The following PRKCH variants were observed in gnomAD, a reference collection of about 807,000 sequenced individuals.
PRKCH encodes the protein protein kinase C eta type.
Under a neutral mutation model 82.5 loss-of-function variants are expected in PRKCH, and 28 were observed. The ratio of observed to expected loss-of-function variants is 0.34; its 90% CI spans 0.25 to 0.47. PRKCH has a LOEUF of 0.47. Among genes scored for constraint, PRKCH ranks in the 20% least tolerant of loss-of-function variants. The pLI is 1.00. For missense variants in PRKCH, 705 were observed against 881.8 expected, an observed-to-expected ratio of 0.80 and a Z score of 2.54; for synonymous variants, 322 against 327.4, an observed-to-expected ratio of 0.98 and a Z score of 0.18.
chr14:61,381,080 C>G (rs1448249549), intron 1 of PRKCH, among the ~76,000 whole-genome samples: 1 of 152,152 alleles, frequency 6.6e-6, no homozygotes, highest in Non-Finnish European at 1.5e-5. Flanking sequence ...GTACAAAGTT[C>G]AGAAACTGTT....
intron 1 of PRKCH, among the ~76,000 whole-genome samples, chr14:61,269,914 G>A (rs1216407757): frequency 5.9e-5 from 9 of 152,160 alleles, no homozygotes; most frequent in Non-Finnish European, 1.5e-5. Flanking sequence ...GACTTCAGGG[G>A]GCCAGGTGGC....
chr14:61,445,340 CA>C (rs2140279377), intron 3 of PRKCH, among the ~76,000 whole-genome samples: 1 of 152,338 alleles, frequency 6.6e-6, no homozygotes, highest in Non-Finnish European at 1.5e-5. Flanking sequence ...AGCATCTGAA[CA>C]TCTTTATGTG....
chr14:61,445,906 C>G (rs1056919581), intron 4 of PRKCH, among the ~76,000 whole-genome samples, 180 bp downstream of exon 4: 1 of 152,016 alleles, frequency 6.6e-6, no homozygotes, highest in Admixed American at 6.6e-5. Flanking sequence ...ATATTTTAGA[C>G]AATGTAAAGG....
At chr14:61,292,897 A>T (rs2045376550) in intron 1 of PRKCH, among the ~76,000 whole-genome samples, 1 of 152,110 alleles carries the variant, frequency 6.6e-6, no homozygotes, top group South Asian at 2.1e-4. Context: ...CCTGGGCAAC[A>T]TTGTGAGATC....
intron 12 of PRKCH, among the ~76,000 whole-genome samples, chr14:61,542,014 G>T (rs1425909044): frequency 6.6e-6 from 1 of 152,224 alleles, no homozygotes; most frequent in African/African-American, 2.4e-5. Flanking sequence ...TGTAGGCCGG[G>T]CGTGGTGGCT....
At position 61,322,089 on chromosome 14, in the gene PRKCH, C is replaced by A. The variant is rs1485986603; in HGVS notation, c.-13C>A. The A allele has an allele frequency of 6.5e-7, 1 of 1,530,572 alleles. No individual in the cohort carries two copies. Among genetic ancestry groups the A allele is most frequent in the South Asian group, 1.2e-5 (1 of 82,956 alleles). 94.8% of individuals were successfully genotyped at this position (1,530,572 alleles called of 1,614,324 possible). A position where few individuals can be genotyped will look rare whatever the true frequency, so the allele number is the denominator to read the frequency against. On this transcript the variant is annotated 5_prime_UTR_variant, in exon 1 of 14. Coordinates refer to ENST00000332981, the MANE Select transcript of PRKCH (RefSeq NM_006255.5). ...GCAGCGCGGCCCCCCGGGGCCGGGG[C>A]AGCGGCGCCGGCATGTCGTCTGGCA...
rs1039017505 is a variant in PRKCH, at chr14:61,313,224, T to C, written c.-19+125556T>C. Reference sequence around the variant, plus strand: ...AGTCATTTTCCTTTCACAGGTTTCTTACACAAGCCATACAGTTTAATAATT... The same window carrying C: ...AGTCATTTTCCTTTCACAGGTTTCTCACACAAGCCATACAGTTTAATAATT... On this transcript the variant is annotated intron_variant, in intron 1 of 3. Transcript: ENST00000555185. Among the ~76,000 whole-genome samples, 3 of 152,216 alleles carry C rather than the reference T, an allele frequency of 2.0e-5. No homozygotes were observed. In the East Asian group the frequency reaches 5.8e-4, roughly 29 times the overall value.
intron 2 of PRKCH, among the ~76,000 whole-genome samples, chr14:61,422,773 GAT>G (rs1882912602): frequency 6.6e-6 from 1 of 152,114 alleles, no homozygotes; most frequent in South Asian, 2.1e-4. Flanking sequence ...CTTACTGTGG[GAT>G]AGAGTCTAGG....
At position 61,507,952 on chromosome 14, in the gene PRKCH, AAGG is replaced by A. The variant is rs1245553780; in HGVS notation, c.1434-21119_1434-21117del. On this transcript the variant is annotated intron_variant, in intron 10 of 13. Transcript: ENST00000332981. Reference sequence around the variant, plus strand: ...CTCTTATCACCAAGAAAAAAACACAAAGGAGGCAGGAGGAAACCTTTGAAGATT... The same window carrying A: ...CTCTTATCACCAAGAAAAAAACACAAAGGCAGGAGGAAACCTTTGAAGATT... Among the ~76,000 whole-genome samples the A allele has an allele frequency of 7.9e-5, 12 of 152,238 alleles. No individual in the cohort carries two copies. The East Asian group carries it at 1.7e-3, about 22-fold the overall frequency.
intron 9 of PRKCH, among the ~76,000 whole-genome samples, chr14:61,465,450 A>C (rs977325402): frequency 3.3e-5 from 5 of 152,054 alleles, no homozygotes; most frequent in African/African-American, 1.2e-4. Context: ...GTAGATATCC[A>C]GTTTTTTCAA....
intron 10 of PRKCH, among the ~76,000 whole-genome samples, chr14:61,517,190 G>A (rs575800803): frequency 6.6e-6 from 1 of 152,244 alleles, no homozygotes; most frequent in Non-Finnish European, 1.5e-5. Context: ...TCCTGAGGCT[G>A]GTCCCGTAAA....
At chr14:61,485,458 T>G in intron 9 of PRKCH, 44 bp from the exon 10 acceptor site, 1 of 1,599,864 alleles carries the variant, frequency 6.3e-7, no homozygotes, top group Non-Finnish European at 8.5e-7. Context: ...AGCTCTAGGT[T>G]AATTGCTACA....
intron 2 of PRKCH, among the ~76,000 whole-genome samples, chr14:61,415,111 G>T (rs1882486308): frequency 6.6e-6 from 1 of 151,878 alleles, no homozygotes; most frequent in Non-Finnish European, 1.5e-5. Flanking sequence ...TCCCATATCA[G>T]CACTGTCTTC....
rs529018723 is a variant in PRKCH, at chr14:61,212,179, T to C, written c.-19+24511T>C. 2.0e-5 allele frequency among the ~76,000 whole-genome samples: 3 copies of C among 152,292 alleles called. No individual in the cohort carries two copies. In the East Asian group the frequency reaches 5.8e-4, roughly 29 times the overall value. ...TCCAATCGCACATGGAAAAACACAATATAAAGAATTATGGTCTCTTTTCCT... is the reference window on the plus strand; with the variant it reads ...TCCAATCGCACATGGAAAAACACAACATAAAGAATTATGGTCTCTTTTCCT... On this transcript the variant is annotated intron_variant, in intron 1 of 3. Coordinates refer to the PRKCH transcript ENST00000555185.
In PRKCH at chr14:61,261,174, C is replaced by T. The variant is rs985237898; in HGVS notation, c.-19+73506C>T. Among the ~76,000 whole-genome samples the T allele has an allele frequency of 2.6e-5, 4 of 152,232 alleles. 1 individual carries two copies. The highest frequency in any genetic ancestry group is 5.9e-5 in the Non-Finnish European group (4 of 68,048). Reference sequence around the variant, plus strand: ...CTGCTGCTTGGTTTGCTAAACTAAACTGTTGCCGTCACCAACGCACACACG... The same window carrying T: ...CTGCTGCTTGGTTTGCTAAACTAAATTGTTGCCGTCACCAACGCACACACG... On this transcript the variant is annotated intron_variant, in intron 1 of 3. Transcript: ENST00000555185.
intron 1 of PRKCH, among the ~76,000 whole-genome samples, chr14:61,312,771 C>G (rs566485694): frequency 2.0e-5 from 3 of 152,018 alleles, no homozygotes; most frequent in African/African-American, 7.3e-5. Flanking sequence ...CCCCATGATT[C>G]GATTACCTCC....
intron 1 of PRKCH, among the ~76,000 whole-genome samples, chr14:61,246,843 C>A (rs1486917509): frequency 6.6e-6 from 1 of 152,212 alleles, no homozygotes; most frequent in African/African-American, 2.4e-5. Context: ...CCACCTCAGC[C>A]TCCCAATGTG....
intron 1 of PRKCH, among the ~76,000 whole-genome samples, chr14:61,355,999 C>T (rs918895605): frequency 8.5e-5 from 13 of 152,148 alleles, no homozygotes; most frequent in African/African-American, 3.1e-4. Flanking sequence ...AACAGCCTGC[C>T]GAGGAGGGTA....
intron 1 of PRKCH, among the ~76,000 whole-genome samples, chr14:61,254,477 G>A (rs1419327334): frequency 6.6e-6 from 1 of 152,076 alleles, no homozygotes; most frequent in African/African-American, 2.4e-5. Flanking sequence ...TTAGCCGGGT[G>A]TGGTGGTGTA....
Sources: allele counts gnomAD v4.1 joint callset (sites outside exome capture counted in the v4.1 genomes callset), GRCh38; gene constraint gnomAD v4.1.1; transcripts MANE v1.5; gene names NCBI Gene and HGNC (gene_info 2026-07-23, HGNC 2026-07-21).